Variants in PCDHGC3 observed in about 807,000 individuals in gnomAD.
PCDHGC3 encodes the protein protocadherin gamma-C3.
In PCDHGC3, 26 loss-of-function variants were observed where a neutral mutation model predicts 59.2. The ratio of observed to expected loss-of-function variants is 0.44; its 90% confidence interval spans 0.32 to 0.61. The LOEUF (loss-of-function observed/expected upper bound fraction) is 0.61, where lower values mean the gene tolerates loss of function less well. Among genes scored for constraint, PCDHGC3 ranks in the 20% least tolerant of loss-of-function variants. The pLI, the probability that PCDHGC3 is intolerant of heterozygous loss-of-function variation, is 0.05. For missense variants in PCDHGC3, 1,080 were observed against 1,221.8 expected (o/e 0.88, Z 1.73); for synonymous variants, 487 against 519.7 (o/e 0.94, Z 0.86).
In PCDHGC3 at chr5:141,477,556, T is replaced by C. The variant is rs2099412953; in HGVS notation, c.1440T>C (p.Ser480=). The change falls in exon 1 of 4, where the codon AGT becomes AGC. Residue 480 remains serine, a synonymous_variant. Transcript: ENST00000308177. The surrounding 1 kb of genome is among the most constrained non-coding windows in gnomAD (Gnocchi z 4.9). The stretch of plus-strand genomic sequence containing the variant: ...CCGGGGCTCCAATACTAAACCTAAG[T>C]GTCTGGGACCCCGACGCCCCGCAGA... ...NLPGAPILNL[S]VWDPDAPQNA... 6.2e-7 allele frequency: 1 copy of C among 1,614,164 alleles called. No homozygotes were observed. The highest frequency in any genetic ancestry group is 1.1e-5 in the South Asian group (1 of 91,086).
chr5:141,497,384 A>G (rs2099776099), intron 2 of PCDHGC3, among the ~76,000 whole-genome samples: 1 of 151,900 alleles, frequency 6.6e-6, no homozygotes, highest in African/African-American at 2.4e-5. Context: ...TGGGGTGAGC[A>G]CCTTACCCCT....
At chr5:141,501,290 TACACACACACACACAC>T (rs55762287) in intron 2 of PCDHGC3, among the ~76,000 whole-genome samples, 7 of 136,164 alleles carry the variant, frequency 5.1e-5, no homozygotes, top group South Asian at 2.4e-4. Context: ...TATTCCCTTA[TACACACACACACACAC>T]ACACACACAC....
rs1467125550 is a variant in PCDHGC3 at position 141,511,799 on chromosome 5, T to G, written c.*626T>G. 6.4e-6 allele frequency: 1 copy of G among 157,228 alleles called. No homozygotes were observed. The highest frequency in any genetic ancestry group is 1.4e-5 in the Non-Finnish European group (1 of 70,874). 9.7% of individuals were successfully genotyped at this position (157,228 alleles called of 1,614,324 possible). ...TGCTTGCTGGATTTAGGGAGGGCAT[T>G]TTGCTACCAAGCCTCTTCCCAACGC... On this transcript the variant is annotated 3_prime_UTR_variant, in exon 4 of 4. Coordinates refer to ENST00000308177, the MANE Select transcript of PCDHGC3 (RefSeq NM_002588.4).
intron 2 of PCDHGC3, among the ~76,000 whole-genome samples, chr5:141,502,894 G>C (rs1342496006): frequency 6.8e-6 from 1 of 147,968 alleles, no homozygotes; most frequent in Non-Finnish European, 1.5e-5. Context: ...AGGGAGTCTA[G>C]CTCTGTTGCC....
In PCDHGC3 at chr5:141,477,963, A is replaced by C; in HGVS notation, c.1847A>C (p.Gln616Pro). ...TACAGTCTCTTGGGATCCCCTAACC[A>C]GAGCCTTTTTGCCATAGGGCTGCAC... ...LSYSLLGSPN[Q>P]SLFAIGLHTG... is the part of the protein sequence containing the mutation. The change falls in exon 1 of 4, where the codon CAG (glutamine) becomes CCG (proline). Residue 616 changes from glutamine (Q) to proline (P), a missense_variant. Physicochemically the swap from Gln to Pro is moderately conservative, Grantham distance 76 (BLOSUM62 -1). Coordinates refer to ENST00000308177, the MANE Select transcript of PCDHGC3 (RefSeq NM_002588.4). The surrounding 1 kb of genome is among the most constrained non-coding windows in gnomAD (Gnocchi z 4.9). The C allele has an allele frequency of 1.2e-6, 2 of 1,614,118 alleles. No individual in the cohort carries two copies. The highest frequency in any genetic ancestry group is 1.7e-6 in the Non-Finnish European group (2 of 1,180,024).
chr5:141,506,216 T>A (rs2237080), intron 3 of PCDHGC3, among the ~76,000 whole-genome samples: 78,167 of 151,604 alleles, frequency 0.52, 20,820 homozygotes, highest in African/African-American at 0.63. Flanking sequence ...TTTGGGAAGC[T>A]GAGGCAGGAG....
At position 141,487,421 on chromosome 5, in the gene PCDHGC3, C is replaced by A. The variant is rs1365581881; in HGVS notation, c.2431-7386C>A. On this transcript the variant is annotated intron_variant, in intron 1 of 3. Coordinates refer to ENST00000308177, the MANE Select transcript of PCDHGC3 (RefSeq NM_002588.4). This position sits in a 1 kb window ranked among gnomAD's most constrained non-coding sequence, Gnocchi z 5.0. ...GGGGCTTCCCCCTTCCAATGGGATC[C>A]TCCGAATCCAGCTAGGGTCAGATGA... 2 of 1,614,026 alleles carry A rather than the reference C, an allele frequency of 1.2e-6. No individual in the cohort carries two copies. Among genetic ancestry groups the A allele is most frequent in the South Asian group, 1.1e-5 (1 of 91,086 alleles).
chr5:141,502,098 G>T (rs1341016516), intron 2 of PCDHGC3, among the ~76,000 whole-genome samples: 2 of 152,108 alleles, frequency 1.3e-5, no homozygotes, highest in Non-Finnish European at 2.9e-5. Flanking sequence ...ACCTGGCCTT[G>T]ACCCTGCACC....
rs2099668037 is a variant in PCDHGC3 at position 141,487,853 on chromosome 5, T to C, written c.2431-6954T>C. The C allele has an allele frequency of 1.0e-6, 1 of 984,708 alleles. No individual in the cohort carries two copies. The allele number at this position is 984,708 out of a possible 1,614,324, so 61.0% of individuals were successfully genotyped here. The stretch of plus-strand genomic sequence containing the variant: ...CCTATATCTGAGTAAGAAATGAAAG[T>C]AATTGGTGATCAAGAGCCAGGCTGT... On this transcript the variant is annotated intron_variant, in intron 1 of 3. Transcript: ENST00000308177. The surrounding 1 kb of genome is among the most constrained non-coding windows in gnomAD (Gnocchi z 5.0).
chr5:141,488,837 C>A (rs550655328), intron 1 of PCDHGC3, among the ~76,000 whole-genome samples: 1 of 152,280 alleles, frequency 6.6e-6, no homozygotes, highest in African/African-American at 2.4e-5. Context: ...GCCAAGGGGG[C>A]TGAATCAACC....
chr5:141,494,316 G>T (rs2099753509), intron 1 of PCDHGC3, among the ~76,000 whole-genome samples: 1 of 152,172 alleles, frequency 6.6e-6, no homozygotes, highest in Admixed American at 6.5e-5. Flanking sequence ...TGCACAACCT[G>T]GCACCAAAAG....
In PCDHGC3 at chr5:141,490,925, C is replaced by T; in HGVS notation, c.2431-3882C>T. 1 of 1,613,688 alleles carries T rather than the reference C, an allele frequency of 6.2e-7. No homozygotes were observed. The highest frequency in any genetic ancestry group is 8.5e-7 in the Non-Finnish European group (1 of 1,179,700). On this transcript the variant is annotated intron_variant, in intron 1 of 3. Coordinates refer to ENST00000308177, the MANE Select transcript of PCDHGC3 (RefSeq NM_002588.4). The surrounding 1 kb of genome is among the most constrained non-coding windows in gnomAD (Gnocchi z 5.4). ...GTCCTAGACGAGAATGATAATGCCC[C>T]AGCTGTGCTGCACCCACGGCCAGAC... is the stretch of plus-strand genomic sequence containing the variant.
At chr5:141,481,913 CAAAA>C (rs34114744) in intron 1 of PCDHGC3, among the ~76,000 whole-genome samples, 1 of 90,848 alleles carries the variant, frequency 1.1e-5, no homozygotes, top group Non-Finnish European at 2.2e-5. Context: ...AACTCCATCT[CAAAA>C]AAAAAAAAAA....
chr5:141,494,639 C>T, intron 1 of PCDHGC3, 168 bp from the exon 2 acceptor site: 1 of 901,070 alleles, frequency 1.1e-6, no homozygotes, highest in Non-Finnish European at 1.3e-6. Flanking sequence ...ACCTCTGAGA[C>T]CTGAGGTGTA....
At chr5:141,480,781 G>A (rs2099525581) in intron 1 of PCDHGC3, among the ~76,000 whole-genome samples, 1 of 152,174 alleles carries the variant, frequency 6.6e-6, no homozygotes, top group Admixed American at 6.5e-5. Flanking sequence ...CTAATGTGCA[G>A]ACAAATTTGA....
Position 141,485,281 on chromosome 5 carries a change from A to G in PCDHGC3, c.2430+6735A>G. 4 of 1,614,156 alleles carry G rather than the reference A, an allele frequency of 2.5e-6. No individual in the cohort carries two copies. In the South Asian group the frequency reaches 3.3e-5, roughly 13 times the overall value. Reference sequence around the variant, plus strand: ...GTGGGCAGATCCGCTACCCGGTCCCAGAGGAGTCACAGGAAGGGACTTTTG... The same window carrying G: ...GTGGGCAGATCCGCTACCCGGTCCCGGAGGAGTCACAGGAAGGGACTTTTG... On this transcript the variant is annotated intron_variant, in intron 1 of 3. Coordinates refer to ENST00000308177, the MANE Select transcript of PCDHGC3 (RefSeq NM_002588.4). The surrounding 1 kb of genome is among the most constrained non-coding windows in gnomAD (Gnocchi z 5.7).
chr5:141,490,804 T>C lies in PCDHGC3; in HGVS notation c.2431-4003T>C. On this transcript the variant is annotated intron_variant, in intron 1 of 3. Coordinates refer to ENST00000308177, the MANE Select transcript of PCDHGC3 (RefSeq NM_002588.4). This position sits in a 1 kb window ranked among gnomAD's most constrained non-coding sequence, Gnocchi z 5.4. The stretch of plus-strand genomic sequence containing the variant: ...TGGACGGATCTTTGCCCAGCGTACC[T>C]TTGACTATGAATTGCTGCAGATGCT... 2 of 1,613,854 alleles carry C rather than the reference T, an allele frequency of 1.2e-6. No homozygotes were observed. Among genetic ancestry groups the C allele is most frequent in the Non-Finnish European group, 1.7e-6 (2 of 1,179,816 alleles).
At position 141,485,291 on chromosome 5, in the gene PCDHGC3, C is replaced by A. The variant is rs114678203; in HGVS notation, c.2430+6745C>A. 436 of 1,614,150 alleles carry A rather than the reference C, an allele frequency of 2.7e-4. No homozygotes were observed. Among genetic ancestry groups the A allele is most frequent in the Middle Eastern group, 8.2e-4 (5 of 6,062 alleles). Reference sequence around the variant, plus strand: ...CCGCTACCCGGTCCCAGAGGAGTCACAGGAAGGGACTTTTGTAGGGAATGT... The same window carrying A: ...CCGCTACCCGGTCCCAGAGGAGTCAAAGGAAGGGACTTTTGTAGGGAATGT... On this transcript the variant is annotated intron_variant, in intron 1 of 3. Coordinates refer to ENST00000308177, the MANE Select transcript of PCDHGC3 (RefSeq NM_002588.4). The surrounding 1 kb of genome is among the most constrained non-coding windows in gnomAD (Gnocchi z 5.7).
In PCDHGC3 at chr5:141,476,016, G is replaced by C; in HGVS notation, c.-101G>C. On this transcript the variant is annotated 5_prime_UTR_variant, in exon 1 of 4. Transcript: ENST00000308177. This position sits in a 1 kb window ranked among gnomAD's most constrained non-coding sequence, Gnocchi z 7.6. ...TCAACGGCATCCAGAAAGCCATGTC[G>C]GACTCGGCGCCCAGCGCCCAAGCGC... 1 of 1,359,386 alleles carries C rather than the reference G, an allele frequency of 7.4e-7. No homozygotes were observed. The highest frequency in any genetic ancestry group is 2.3e-5 in the East Asian group (1 of 43,300). 84.2% of individuals were successfully genotyped at this position (1,359,386 alleles called of 1,614,324 possible).
Sources: allele counts gnomAD v4.1 joint callset (sites outside exome capture counted in the v4.1 genomes callset), GRCh38; gene constraint gnomAD v4.1.1; non-coding constraint Gnocchi (gnomAD v3.1); transcripts MANE v1.5; gene names NCBI Gene and HGNC (gene_info 2026-07-23, HGNC 2026-07-21).